The following THOC2 variants were observed in gnomAD, a reference collection of about 807,000 sequenced individuals.
The protein encoded by THOC2 is THO complex subunit 2.
THOC2 carries 10 observed loss-of-function variants against 128.4 expected under a neutral mutation model. That is an observed-to-expected ratio of 0.08 (90% CI 0.05 to 0.13). THOC2 has a LOEUF of 0.13. Ranked by LOEUF, THOC2 falls within the 10% of genes least tolerant of loss-of-function variation. The probability of loss-of-function intolerance (pLI) is 1.00; values close to 1 mark genes in which losing one functional copy is unlikely to be tolerated. For synonymous variants in THOC2, 393 were observed against 396.9 expected (o/e 0.99, Z 0.12); for missense variants, 535 against 1,155.7 (o/e 0.46, Z 7.79).
rs182336282 is a variant in THOC2, at chrX:123,609,022, C to A, written c.*18+1896G>T. 1.6e-3 allele frequency among the ~76,000 whole-genome samples: 181 copies of A among 112,061 alleles called. 1 individual carries two copies. Among genetic ancestry groups the A allele is most frequent in the African/African-American group, 5.2e-3 (159 of 30,848 alleles). On this transcript the variant is annotated intron_variant, in intron 38 of 38. Coordinates refer to ENST00000245838, the MANE Select transcript of THOC2 (RefSeq NM_001081550.2). ...AGAAAAACTCAAATCTGTAGCATAA[C>A]CTTCACATACAAAAGAATAATATTT...
intron 12 of THOC2, among the ~76,000 whole-genome samples, chrX:123,653,865 GA>G (rs2048458861): frequency 9.0e-6 from 1 of 111,634 alleles, no homozygotes; most frequent in South Asian, 3.8e-4. Flanking sequence ...CAAGGATCTA[GA>G]ACTAAAAATA....
chrX:123,727,954 T>C lies in THOC2; in HGVS notation c.71+4998A>G, dbSNP rs765546147. Among the ~76,000 whole-genome samples, 189 of 112,565 alleles carry C rather than the reference T, an allele frequency of 1.7e-3. 1 individual carries two copies. Among genetic ancestry groups the C allele is most frequent in the African/African-American group, 5.5e-3 (172 of 31,063 alleles). ...CTTAACATGAGTATACGGCTTTTCA[T>C]CTTACTTGTTCCCATTTTCCAGTAA... On this transcript the variant is annotated intron_variant, in intron 1 of 38. Transcript: ENST00000245838.
At chrX:123,628,417 T>C in intron 22 of THOC2, among the ~76,000 whole-genome samples, 1 of 111,860 alleles carries the variant, frequency 8.9e-6, no homozygotes, top group East Asian at 2.8e-4. Flanking sequence ...GGACAGAATG[T>C]AGTATCACTA....
Position 123,663,537 on chromosome X carries a change from T to TA in THOC2, c.1386+2104_1386+2105insT, listed in dbSNP as rs1569394862. On this transcript the variant is annotated intron_variant, in intron 12 of 38. Transcript: ENST00000245838. ...AAATTATACCTCAAAGCTGATTTTT[T>TA]TAAAAAAAAAAAGCATAAATGGTTA... is the stretch of plus-strand genomic sequence containing the variant. 2.3e-3 allele frequency among the ~76,000 whole-genome samples: 193 copies of TA among 84,681 alleles called. 1 individual carries two copies. The highest frequency in any genetic ancestry group is 6.9e-3 in the Middle Eastern group (1 of 145). The allele number at this position is 84,681 out of a possible 115,157, so 73.5% of individuals were successfully genotyped here.
At chrX:123,642,492 A>C (rs1457009897) in intron 15 of THOC2, among the ~76,000 whole-genome samples, 1 of 110,911 alleles carries the variant, frequency 9.0e-6, no homozygotes, top group Non-Finnish European at 1.9e-5. Flanking sequence ...CCTGCTCTCA[A>C]GCCTGGTCCA....
At position 123,626,025 on chromosome X, in the gene THOC2, T is replaced by C. The variant is rs775912572; in HGVS notation, c.2944A>G (p.Ile982Val). Residue 982 changes from isoleucine (I) to valine (V), a missense_variant, in exon 25 of 39, where the codon ATA becomes GTA. Around this residue, in one of 9 missense-constraint regions of THOC2, gnomAD observed 90 missense variants for 298.6 expected, o/e 0.30. Transcript: ENST00000245838. Reference sequence around the variant, plus strand: ...GCTGAAAAAATACATCGAGGAAATATACACAGCTGTAGAAATTTTGTGATG... The same window carrying C: ...GCTGAAAAAATACATCGAGGAAATACACACAGCTGTAGAAATTTTGTGATG... ...ETITKFLQLC[I>V]FPRCIFSAID... 2.0e-5 allele frequency: 24 copies of C among 1,198,689 alleles called. No homozygotes were observed. The highest frequency in any genetic ancestry group is 2.4e-5 in the Non-Finnish European group (21 of 887,139).
At chrX:123,686,991 T>C (rs1001203207) in intron 7 of THOC2, among the ~76,000 whole-genome samples, 14 of 111,692 alleles carry the variant, frequency 1.3e-4, no homozygotes, top group African/African-American at 4.6e-4. Context: ...CATTCCTCTA[T>C]GCCACACTTT....
intron 12 of THOC2, among the ~76,000 whole-genome samples, chrX:123,657,133 A>C (rs2048627724): frequency 8.9e-6 from 1 of 112,084 alleles, no homozygotes; most frequent in African/African-American, 3.2e-5. Flanking sequence ...GCTTATTGGG[A>C]GATAACGCGG....
At chrX:123,708,980 C>G (rs2051060102) in intron 2 of THOC2, among the ~76,000 whole-genome samples, 1 of 111,730 alleles carries the variant, frequency 9.0e-6, no homozygotes, top group Non-Finnish European at 1.9e-5. Flanking sequence ...CTCCTGACCT[C>G]AAGTGATCCA....
intron 38 of THOC2, among the ~76,000 whole-genome samples, chrX:123,605,833 A>G (rs2046445881): frequency 9.0e-6 from 1 of 111,535 alleles, no homozygotes; most frequent in African/African-American, 3.3e-5. Context: ...CAAACAAAAA[A>G]AGGCTTAGAG....
At chrX:123,708,782 C>T (rs1291846123) in intron 2 of THOC2, among the ~76,000 whole-genome samples, 1 of 111,404 alleles carries the variant, frequency 9.0e-6, no homozygotes, top group East Asian at 2.8e-4. Flanking sequence ...AACAGAGTCT[C>T]GCCCTCCAGG....
chrX:123,703,572 T>C, intron 3 of THOC2, 67 bp from the exon 4 acceptor site: 3 of 727,748 alleles, frequency 4.1e-6, no homozygotes, highest in Non-Finnish European at 6.2e-6. Flanking sequence ...GGTTTCATAA[T>C]AACACTCTTC....
At chrX:123,615,130 A>T (rs1417178195) in intron 33 of THOC2, among the ~76,000 whole-genome samples, 2 of 111,707 alleles carry the variant, frequency 1.8e-5, no homozygotes, top group Non-Finnish European at 3.8e-5. Flanking sequence ...TAAGACATTA[A>T]AAGTATTATG....
intron 12 of THOC2, among the ~76,000 whole-genome samples, chrX:123,658,825 T>A (rs758278468): frequency 1.8e-5 from 2 of 111,740 alleles, no homozygotes; most frequent in South Asian, 3.8e-4. Flanking sequence ...CTTTGGGTGA[T>A]GTGTCAATGT....
At position 123,624,585 on chromosome X, in the gene THOC2, C is replaced by G. The variant is rs1242491565; in HGVS notation, c.3142G>C (p.Glu1048Gln). 1.7e-6 allele frequency: 2 copies of G among 1,208,612 alleles called. No individual in the cohort carries two copies. Among genetic ancestry groups the G allele is most frequent in the African/African-American group, 3.5e-5 (2 of 57,199 alleles). Residue 1048 changes from glutamate to glutamine, a missense_variant, in exon 26 of 39, where the codon GAG becomes CAG. Physicochemically the swap from Glu to Gln is conservative, Grantham distance 29 (BLOSUM62 2). This residue lies in a region of THOC2 where 0 missense variants were observed against 39.0 expected (regional missense o/e 0.00). Coordinates refer to ENST00000245838, the MANE Select transcript of THOC2 (RefSeq NM_001081550.2). The stretch of plus-strand genomic sequence containing the variant: ...TCACTATGCCACCTGGTCACAGTCT[C>G]TAACATGCAGCAAAGAAACCTTCCG... ...RYGRFLCCML[E>Q]TVTRWHSDRA...
chrX:123,675,462 G>A (rs1411818210), intron 8 of THOC2, among the ~76,000 whole-genome samples: 6 of 110,444 alleles, frequency 5.4e-5, no homozygotes, highest in Non-Finnish European at 9.4e-5. Flanking sequence ...CCAACATGGT[G>A]AAACCCTGTC....
At chrX:123,658,186 A>G (rs1463437220) in intron 12 of THOC2, among the ~76,000 whole-genome samples, 1 of 111,562 alleles carries the variant, frequency 9.0e-6, no homozygotes, top group Non-Finnish European at 1.9e-5. Flanking sequence ...TTAACCAAAA[A>G]TGGGCCAGAA....
chrX:123,645,073 C>G (rs1004864116), intron 13 of THOC2, among the ~76,000 whole-genome samples, 164 bp from the exon 14 acceptor site: 2 of 111,785 alleles, frequency 1.8e-5, no homozygotes, highest in Admixed American at 1.9e-4. Flanking sequence ...GTTTCTCCAT[C>G]GAAGACATAA....
intron 15 of THOC2, among the ~76,000 whole-genome samples, chrX:123,643,732 G>GA (rs771514961): frequency 2.5e-3 from 209 of 83,102 alleles, no homozygotes; most frequent in Middle Eastern, 6.0e-3. Flanking sequence ...AGGCTCACAG[G>GA]AAAAAAAAAA....
Sources: allele counts gnomAD v4.1 joint callset (sites outside exome capture counted in the v4.1 genomes callset), GRCh38; gene constraint gnomAD v4.1.1; regional missense constraint gnomAD v4.1.1; transcripts MANE v1.5; gene names NCBI Gene and HGNC (gene_info 2026-07-23, HGNC 2026-07-21).